PDZD2: variants seen among roughly 807,000 people sequenced by gnomAD.
PDZD2 encodes the protein PDZ domain containing 2.
Under a neutral mutation model 220.7 loss-of-function variants are expected in PDZD2, and 90 were observed. The ratio of observed to expected loss-of-function variants is 0.41; its 90% CI spans 0.34 to 0.49. The LOEUF (loss-of-function observed/expected upper bound fraction) is 0.49, where lower values mean the gene tolerates loss of function less well. PDZD2 is among the 20% of genes least tolerant of loss of function. The probability of loss-of-function intolerance (pLI) is 0.28; values close to 1 mark genes in which losing one functional copy is unlikely to be tolerated. For missense variants in PDZD2, 3,174 were observed against 3,608.5 expected (o/e 0.88, Z 3.08); for synonymous variants, 1,375 against 1,450.5 (o/e 0.95, Z 1.18).
At position 31,785,566 on chromosome 5, in the gene PDZD2, G is replaced by A. The variant is rs140027662; in HGVS notation, c.-360-13323G>A. Among the ~76,000 whole-genome samples the A allele has an allele frequency of 2.4e-3, 357 of 151,778 alleles. 6 individuals carry two copies. The East Asian group carries it at 0.046, about 19-fold the overall frequency. ...AGAGATCCTGCCATGTCAGCCTCCC[G>A]GGTAGCTGGAACCACAGGTGTGCAG... On this transcript the variant is annotated intron_variant, in intron 1 of 24. Coordinates refer to ENST00000438447, the MANE Select transcript of PDZD2 (RefSeq NM_178140.4).
intron 2 of PDZD2, among the ~76,000 whole-genome samples, chr5:31,832,123 A>G (rs1158494455): frequency 2.0e-5 from 3 of 152,050 alleles, no homozygotes. Context: ...CAACTTGTAG[A>G]CTCAAGTGAT....
intron 2 of PDZD2, among the ~76,000 whole-genome samples, chr5:31,873,991 G>A (rs577176546): frequency 6.6e-6 from 1 of 152,298 alleles, no homozygotes; most frequent in South Asian, 2.1e-4. Context: ...GCCTTCCAAA[G>A]TGCTGGGATT....
intron 2 of PDZD2, among the ~76,000 whole-genome samples, chr5:31,828,772 A>G (rs1336931599): frequency 1.3e-5 from 2 of 152,242 alleles, no homozygotes; most frequent in African/African-American, 4.8e-5. Context: ...AAGCACTAGG[A>G]TTATAAGCAT....
At chr5:32,020,197 G>C (rs946621338) in intron 6 of PDZD2, among the ~76,000 whole-genome samples, 4 of 151,866 alleles carry the variant, frequency 2.6e-5, no homozygotes, top group Non-Finnish European at 4.4e-5. Context: ...TGGAGACAAG[G>C]TTTCACCATG....
Position 31,947,846 on chromosome 5 carries a change from G to A in PDZD2, c.477-35309G>A, listed in dbSNP as rs7737510. On this transcript the variant is annotated intron_variant, in intron 2 of 24. Transcript: ENST00000438447. ...TCTGTTGGTGGGGGGTGGTGGATGGGGACAGTGAGAGAGAGAAAGAGAGAG... is the reference window on the plus strand; with the variant it reads ...TCTGTTGGTGGGGGGTGGTGGATGGAGACAGTGAGAGAGAGAAAGAGAGAG... 7.7e-3 allele frequency among the ~76,000 whole-genome samples: 1,165 copies of A among 151,908 alleles called. 17 individuals are homozygous for A. Among genetic ancestry groups the A allele is most frequent in the African/African-American group, 0.027 (1,097 of 41,378 alleles).
At chr5:31,691,294 A>G (rs1747112698) in intron 1 of PDZD2, among the ~76,000 whole-genome samples, 1 of 152,060 alleles carries the variant, frequency 6.6e-6, no homozygotes, top group African/African-American at 2.4e-5. Context: ...TGGCTTCAGG[A>G]GTGAAGCTGC....
chr5:31,705,497 C>T (rs1261727511), intron 1 of PDZD2, among the ~76,000 whole-genome samples: 1 of 152,092 alleles, frequency 6.6e-6, no homozygotes, highest in Non-Finnish European at 1.5e-5. Context: ...TGAGCTCCTA[C>T]AATGTGCTTG....
At chr5:31,849,591 C>G (rs959265675) in intron 2 of PDZD2, among the ~76,000 whole-genome samples, 1 of 151,966 alleles carries the variant, frequency 6.6e-6, no homozygotes, top group African/African-American at 2.4e-5. Context: ...CGCCTGTAAT[C>G]CTAGCACTTT....
chr5:31,926,526 G>GAAAAAAAAAAAAAAA (rs71300157), intron 2 of PDZD2, among the ~76,000 whole-genome samples: 7 of 83,956 alleles, frequency 8.3e-5, no homozygotes, highest in Non-Finnish European at 1.4e-4. Flanking sequence ...AACTGCATCT[G>GAAAAAAAAAAAAAAA]AAAAAAAAAA....
intron 2 of PDZD2, among the ~76,000 whole-genome samples, chr5:31,835,090 A>C (rs1756867185): frequency 6.6e-6 from 1 of 152,054 alleles, no homozygotes; most frequent in Non-Finnish European, 1.5e-5. Context: ...AAGTGGATTC[A>C]CCTCTTAGAT....
rs199710679 is a variant in PDZD2 at position 31,981,885 on chromosome 5, C to T, written c.477-1270C>T. Reference sequence around the variant, plus strand: ...GCTTTGATGATCCGGTCCCGAATACCCCTAATTACTCATTTCATTTGATGT... The same window carrying T: ...GCTTTGATGATCCGGTCCCGAATACTCCTAATTACTCATTTCATTTGATGT... On this transcript the variant is annotated intron_variant, in intron 2 of 24. Transcript: ENST00000438447. Among the ~76,000 whole-genome samples, 20 of 152,264 alleles carry T rather than the reference C, an allele frequency of 1.3e-4. No individual in the cohort carries two copies. The East Asian group carries it at 3.5e-3, about 26-fold the overall frequency.
chr5:32,100,185 G>C (rs1339478119), intron 23 of PDZD2: 1 of 153,866 alleles, frequency 6.5e-6, no homozygotes, highest in Non-Finnish European at 1.4e-5. Context: ...CAGACCCTGT[G>C]GAGTGGCCTT....
intron 10 of PDZD2, among the ~76,000 whole-genome samples, chr5:32,056,901 C>T (rs558314885): frequency 1.2e-4 from 19 of 152,138 alleles, no homozygotes; most frequent in African/African-American, 3.9e-4. Context: ...ACCAGCCTGG[C>T]CAACATGGTG....
intron 1 of PDZD2, among the ~76,000 whole-genome samples, chr5:31,701,503 T>C (rs1238046364): frequency 6.6e-6 from 1 of 152,140 alleles, no homozygotes; most frequent in Non-Finnish European, 1.5e-5. Context: ...GAGAAGTCCT[T>C]TTTCCTGACC....
At chr5:31,898,168 G>A (rs1418917488) in intron 2 of PDZD2, among the ~76,000 whole-genome samples, 3 of 152,246 alleles carry the variant, frequency 2.0e-5, no homozygotes, top group African/African-American at 7.2e-5. Context: ...CAAAAGTACA[G>A]AGTATGGTCG....
At chr5:31,895,990 C>T (rs544814457) in intron 2 of PDZD2, among the ~76,000 whole-genome samples, 5 of 152,210 alleles carry the variant, frequency 3.3e-5, no homozygotes, top group African/African-American at 9.6e-5. Context: ...TATGCAATAG[C>T]GATTTGTTCC....
intron 2 of PDZD2, among the ~76,000 whole-genome samples, chr5:31,910,643 G>A (rs1344845236): frequency 2.5e-5 from 3 of 119,554 alleles, no homozygotes; most frequent in Non-Finnish European, 6.1e-5. Context: ...CACCCACCTC[G>A]GCCTCCCAAA....
Position 32,058,699 on chromosome 5 carries a change from C to T in PDZD2, c.2201-540C>T, listed in dbSNP as rs200740410. On this transcript the variant is annotated intron_variant, in intron 12 of 24. Transcript: ENST00000438447. ...CAAAAAAAAAAAAAAAAAAATTCAC[C>T]GGTGAGCTTAAGTCTGGGGCTAATA... Among the ~76,000 whole-genome samples the T allele has an allele frequency of 2.8e-4, 41 of 148,078 alleles. No individual in the cohort carries two copies. The South Asian group carries it at 5.0e-3, about 18-fold the overall frequency.
rs150828868 is a variant in PDZD2, at chr5:31,832,104, G to A, written c.476+32380G>A. 2.7e-3 allele frequency among the ~76,000 whole-genome samples: 412 copies of A among 152,084 alleles called. 4 individuals carry two copies. The highest frequency in any genetic ancestry group is 9.0e-3 in the African/African-American group (374 of 41,516). ...GATGGAGTCTCACTATGTTGCCCAC[G>A]CTGGTCTCCAACTTGTAGACTCAAG... On this transcript the variant is annotated intron_variant, in intron 2 of 24. Transcript: ENST00000438447.
Sources: allele counts gnomAD v4.1 joint callset (sites outside exome capture counted in the v4.1 genomes callset), GRCh38; gene constraint gnomAD v4.1.1; transcripts MANE v1.5; gene names NCBI Gene and HGNC (gene_info 2026-07-23, HGNC 2026-07-21).